The following TENM4 variants were observed in gnomAD, a reference collection of about 807,000 sequenced individuals.
TENM4 encodes teneurin-4.
TENM4 carries 82 observed loss-of-function variants against 243.3 expected under a neutral mutation model. The observed-to-expected ratio is 0.34, with a 90% CI of 0.28 to 0.40. The LOEUF (loss-of-function observed/expected upper bound fraction) is 0.40. Ranked by LOEUF, TENM4 falls within the 10% of genes least tolerant of loss-of-function variation. TENM4 has a pLI of 1.00. For synonymous variants in TENM4, 1,412 were observed against 1,456.3 expected, an observed-to-expected ratio of 0.97 and a Z score of 0.69; for missense variants, 3,138 against 3,673.3, an observed-to-expected ratio of 0.85 and a Z score of 3.77.
chr11:79,069,850 C>G lies in TENM4; in HGVS notation c.95G>C (p.Gly32Ala), dbSNP rs1293890881. 5.2e-6 allele frequency: 8 copies of G among 1,550,492 alleles called. No individual in the cohort carries two copies. The highest frequency in any genetic ancestry group is 2.0e-5 in the Admixed American group (1 of 51,014). ...GCTGTACGATTTCTGCGGGGCTTTGCCCTCCTCGCTGTCCGCGGACGAGCT... is the reference window on the plus strand; with the variant it reads ...GCTGTACGATTTCTGCGGGGCTTTGGCCTCCTCGCTGTCCGCGGACGAGCT... ...YTSSSADSEE[G>A]KAPQKSYSSS... The change falls in exon 5 of 34, where the codon GGC (glycine) becomes GCC (alanine). Residue 32 changes from glycine (G) to alanine (A), a missense_variant. Gly to Ala is a moderately conservative substitution (Grantham distance 60, BLOSUM62 0). Transcript: ENST00000278550.
intron 4 of TENM4, among the ~76,000 whole-genome samples, chr11:79,071,214 C>T (rs955850727): frequency 9.2e-5 from 14 of 152,318 alleles, no homozygotes; most frequent in Admixed American, 2.6e-4. Flanking sequence ...GAATATCCTC[C>T]GCAGAGACAT....
intron 1 of TENM4, among the ~76,000 whole-genome samples, chr11:79,428,866 C>T (rs553187415): frequency 1.3e-5 from 2 of 152,314 alleles, no homozygotes; most frequent in South Asian, 4.1e-4. Context: ...AGGAGACTAA[C>T]ATTCAGTAAG....
intron 1 of TENM4, among the ~76,000 whole-genome samples, chr11:79,421,797 C>G (rs918162397): frequency 6.6e-6 from 1 of 151,868 alleles, no homozygotes; most frequent in African/African-American, 2.4e-5. Flanking sequence ...ACCAGGATGT[C>G]TATTTCAAAA....
intron 6 of TENM4, among the ~76,000 whole-genome samples, chr11:79,017,454 A>T (rs1858809212): frequency 6.6e-6 from 1 of 152,064 alleles, no homozygotes; most frequent in Non-Finnish European, 1.5e-5. Context: ...TTAGTATGCA[A>T]CCTCTGAATT....
intron 6 of TENM4, among the ~76,000 whole-genome samples, chr11:78,997,806 T>C (rs1021825103): frequency 2.6e-5 from 4 of 152,236 alleles, no homozygotes; most frequent in Non-Finnish European, 4.4e-5. Flanking sequence ...CTACCCATGA[T>C]GTGATGGCAT....
At chr11:79,083,990 T>C (rs141285138) in intron 4 of TENM4, among the ~76,000 whole-genome samples, 284 of 152,156 alleles carry the variant, frequency 1.9e-3, no homozygotes, top group Middle Eastern at 0.01. Flanking sequence ...TGTATACACA[T>C]ATATATATGA....
intron 4 of TENM4, among the ~76,000 whole-genome samples, chr11:79,074,368 G>C (rs1565192779): frequency 6.6e-6 from 1 of 151,558 alleles, no homozygotes; most frequent in South Asian, 2.1e-4. Context: ...CAGAAGGAAT[G>C]CTGGGGAAGG....
intron 4 of TENM4, among the ~76,000 whole-genome samples, chr11:79,104,823 T>C (rs1159295302): frequency 1.3e-5 from 2 of 152,192 alleles, no homozygotes; most frequent in East Asian, 3.8e-4. Context: ...CAAAGCACTT[T>C]ACAAGGCTCC....
intron 4 of TENM4, among the ~76,000 whole-genome samples, chr11:79,085,192 G>T (rs1167630382): frequency 6.6e-6 from 1 of 151,660 alleles, no homozygotes; most frequent in Non-Finnish European, 1.5e-5. Flanking sequence ...CTAACATGGT[G>T]AAACCCCCTC....
At chr11:78,766,695 C>T (rs1199888223) in intron 18 of TENM4, among the ~76,000 whole-genome samples, 4 of 123,684 alleles carry the variant, frequency 3.2e-5, no homozygotes, top group African/African-American at 9.3e-5. Flanking sequence ...TCATACTGTT[C>T]GGCTCCCCCA....
intron 4 of TENM4, among the ~76,000 whole-genome samples, chr11:79,138,570 A>AT (rs1555015652): frequency 3.8e-5 from 1 of 26,078 alleles, no homozygotes; most frequent in Non-Finnish European, 7.8e-5. Flanking sequence ...TACATAAAAC[A>AT]TATATTTATA....
Position 78,726,162 on chromosome 11 carries a change from G to A in TENM4, c.3467C>T (p.Thr1156Ile). The change falls in exon 23 of 34, where the codon ACA becomes ATA. Residue 1156 changes from threonine to isoleucine, a missense_variant. By Grantham distance (89) the Thr-to-Ile change is moderately conservative (BLOSUM62 -1). This residue lies in a region of TENM4 where 2,467 missense variants were observed against 3,059.1 expected (regional missense o/e 0.81). Transcript: ENST00000278550. ...GTCAATTTCATAGCCCTGCAGCACT[G>A]TTGTTCTTTTTTCCCACAGGATTAG... ...PDLILWEKRT[T>I]VLQGYEIDAS... is the part of the protein sequence containing the mutation. The A allele has an allele frequency of 1.2e-6, 2 of 1,613,986 alleles. No homozygotes were observed. Among genetic ancestry groups the A allele is most frequent in the Non-Finnish European group, 1.7e-6 (2 of 1,179,892 alleles).
At chr11:79,272,252 G>C (rs1855981140) in intron 2 of TENM4, among the ~76,000 whole-genome samples, 1 of 152,106 alleles carries the variant, frequency 6.6e-6, no homozygotes, top group Admixed American at 6.5e-5. Context: ...AGTGTATGTG[G>C]CTAGAGGGAT....
At chr11:79,031,421 G>A (rs185808827) in intron 6 of TENM4, among the ~76,000 whole-genome samples, 471 of 152,254 alleles carry the variant, frequency 3.1e-3, no homozygotes, top group South Asian at 0.011. Flanking sequence ...AAGCCAGGGT[G>A]GGGAGTCAGC....
intron 3 of TENM4, among the ~76,000 whole-genome samples, chr11:79,194,853 A>G (rs1430350705): frequency 1.3e-5 from 2 of 152,244 alleles, no homozygotes; most frequent in African/African-American, 4.8e-5. Context: ...TTAATCCCCA[A>G]GACCATGGGA....
intron 12 of TENM4, among the ~76,000 whole-genome samples, chr11:78,840,634 C>G (rs993538101): frequency 6.6e-6 from 1 of 152,206 alleles, no homozygotes; most frequent in African/African-American, 2.4e-5. Context: ...GCTCTTCCCC[C>G]AAACAGAGAT....
At chr11:78,961,031 T>C (rs1480883266) in intron 6 of TENM4, among the ~76,000 whole-genome samples, 1 of 152,236 alleles carries the variant, frequency 6.6e-6, no homozygotes, top group Non-Finnish European at 1.5e-5. Flanking sequence ...ATGTGACTTA[T>C]CTAATGTCCC....
At chr11:79,398,724 T>C (rs1354053649) in intron 1 of TENM4, among the ~76,000 whole-genome samples, 2 of 128,500 alleles carry the variant, frequency 1.6e-5, no homozygotes, top group African/African-American at 3.1e-5. Flanking sequence ...TGATAGAAGA[T>C]AGTCAGATGC....
intron 2 of TENM4, among the ~76,000 whole-genome samples, chr11:79,242,292 A>G (rs188677476): frequency 1.7e-4 from 26 of 152,336 alleles, no homozygotes; most frequent in African/African-American, 6.3e-4. Context: ...CAGGCCTCAG[A>G]CTAATGGTGA....
Sources: gnomAD v4.1 joint callset for allele counts (sites outside exome capture counted in the v4.1 genomes callset) on GRCh38, gnomAD v4.1.1 for gene constraint, gnomAD v4.1.1 regional missense constraint, MANE v1.5 for transcripts, NCBI Gene and HGNC (gene_info 2026-07-23, HGNC 2026-07-21) for gene names.